Variants in USH2A observed in about 807,000 individuals in gnomAD.
The protein encoded by USH2A is Usher syndrome 2A (autosomal recessive, mild).
In USH2A, 443 loss-of-function variants were observed where a neutral mutation model predicts 538.9. That is an observed-to-expected ratio of 0.82 (90% confidence interval 0.76 to 0.89). USH2A has a LOEUF of 0.89. USH2A is among the 40% of genes least tolerant of loss of function. The pLI is 0.00. For synonymous variants in USH2A, 2,413 were observed against 2,273.5 expected, an observed-to-expected ratio of 1.06 and a Z score of -1.75; for missense variants, 6,633 against 6,324.8, an observed-to-expected ratio of 1.05 and a Z score of -1.65.
intron 5 of USH2A, among the ~76,000 whole-genome samples, chr1:216,326,658 C>T (rs187500030): frequency 6.6e-6 from 1 of 152,054 alleles, no homozygotes; most frequent in Non-Finnish European, 1.5e-5. Context: ...GCCATGGCAC[C>T]CTTTACTGAG....
intron 7 of USH2A, 98 bp from the exon 8 acceptor site, chr1:216,323,793 A>G (rs1373699617): frequency 9.0e-7 from 1 of 1,112,672 alleles, no homozygotes; most frequent in Admixed American, 1.8e-5. Flanking sequence ...TATCAATAAA[A>G]GCTTAAATTA....
chr1:216,398,413 C>G (rs1277306910), intron 3 of USH2A, among the ~76,000 whole-genome samples: 2 of 152,132 alleles, frequency 1.3e-5, no homozygotes, highest in African/African-American at 4.8e-5. Flanking sequence ...ACAAAATAAG[C>G]TCCAAGGAAA....
intron 34 of USH2A, among the ~76,000 whole-genome samples, chr1:215,993,373 G>C (rs144543292): frequency 2.6e-5 from 4 of 152,144 alleles, no homozygotes; most frequent in Non-Finnish European, 5.9e-5. Context: ...CCAATAGTTA[G>C]AGAATAACTG....
chr1:216,131,794 C>CT (rs767434357), intron 21 of USH2A, among the ~76,000 whole-genome samples: 13 of 152,126 alleles, frequency 8.5e-5, no homozygotes. Flanking sequence ...TCTAAAACCC[C>CT]TTATAATGAT....
intron 14 of USH2A, among the ~76,000 whole-genome samples, chr1:216,223,535 A>T (rs1388422475): frequency 6.6e-6 from 1 of 152,158 alleles, no homozygotes; most frequent in Non-Finnish European, 1.5e-5. Flanking sequence ...CCAGTAGAAT[A>T]AGGTAAAAGT....
chr1:216,314,652 CCATT>C (rs1376850459), intron 9 of USH2A, among the ~76,000 whole-genome samples: 2 of 151,938 alleles, frequency 1.3e-5, no homozygotes, highest in African/African-American at 4.8e-5. Context: ...GATGTTGGCA[CCATT>C]CAAATTATTG....
In USH2A at chr1:216,287,721, G is replaced by A. The variant is rs144234837; in HGVS notation, c.1971+1559C>T. Among the ~76,000 whole-genome samples the A allele has an allele frequency of 2.2e-3, 328 of 152,214 alleles. 2 individuals are homozygous for A. The highest frequency in any genetic ancestry group is 7.3e-3 in the African/African-American group (302 of 41,534). Reference sequence around the variant, plus strand: ...ACTGTAACTCGTGTAGGTTAGACACGTAACTGAGATTCTGGGAGGTAAAAC... The same window carrying A: ...ACTGTAACTCGTGTAGGTTAGACACATAACTGAGATTCTGGGAGGTAAAAC... On this transcript the variant is annotated intron_variant, in intron 11 of 71. Coordinates refer to ENST00000307340, the MANE Select transcript of USH2A (RefSeq NM_206933.4).
intron 22 of USH2A, 35 bp from the exon 23 acceptor site, chr1:216,089,174 C>T: frequency 6.3e-7 from 1 of 1,598,810 alleles, no homozygotes; most frequent in Non-Finnish European, 8.6e-7. Flanking sequence ...AATGTTTATA[C>T]ATGCATATCT....
At chr1:216,273,286 G>T (rs1197668268) in intron 11 of USH2A, among the ~76,000 whole-genome samples, 1 of 152,186 alleles carries the variant, frequency 6.6e-6, no homozygotes, top group Admixed American at 6.6e-5. Context: ...GACTGCAAGA[G>T]TTCTGCAGTG....
intron 61 of USH2A, among the ~76,000 whole-genome samples, chr1:215,713,645 C>A (rs948685828): frequency 6.6e-6 from 1 of 152,186 alleles, no homozygotes; most frequent in African/African-American, 2.4e-5. Context: ...AAGCACAGAC[C>A]TCTCCCAAAA....
chr1:215,768,493 T>A (rs1661193691), intron 55 of USH2A, among the ~76,000 whole-genome samples: 1 of 152,218 alleles, frequency 6.6e-6, no homozygotes, highest in Non-Finnish European at 1.5e-5. Flanking sequence ...AACTTAGTGA[T>A]AAGATGCAGG....
chr1:215,764,125 A>G (rs1025150820), intron 56 of USH2A, among the ~76,000 whole-genome samples: 1 of 152,162 alleles, frequency 6.6e-6, no homozygotes, highest in African/African-American at 2.4e-5. Context: ...TAAATCCATA[A>G]GTGTAGCTTT....
intron 4 of USH2A, among the ~76,000 whole-genome samples, chr1:216,342,256 G>A (rs990744502): frequency 6.6e-6 from 1 of 152,100 alleles, no homozygotes; most frequent in African/African-American, 2.4e-5. Context: ...TAACATCACT[G>A]ATCATTAGAG....
chr1:216,042,386 T>C (rs1487171718), intron 32 of USH2A, among the ~76,000 whole-genome samples: 1 of 151,978 alleles, frequency 6.6e-6, no homozygotes, highest in Non-Finnish European at 1.5e-5. Flanking sequence ...TTTCCCTATC[T>C]AGTAAACTCT....
At chr1:215,626,311 A>ATG (rs535281283) in intron 71 of USH2A, among the ~76,000 whole-genome samples, 1 of 149,538 alleles carries the variant, frequency 6.7e-6, no homozygotes. Context: ...ATATATATAT[A>ATG]TGTATGTATG....
At chr1:216,343,545 A>T (rs1199109243) in intron 4 of USH2A, among the ~76,000 whole-genome samples, 1 of 151,078 alleles carries the variant, frequency 6.6e-6, no homozygotes, top group South Asian at 2.1e-4. Flanking sequence ...AAAAAAAGAC[A>T]GTATTTTGAC....
intron 4 of USH2A, among the ~76,000 whole-genome samples, chr1:216,351,323 A>G (rs966517411): frequency 1.5e-4 from 23 of 152,162 alleles, no homozygotes; most frequent in African/African-American, 5.6e-4. Flanking sequence ...GATAAGAAAG[A>G]TGTATTTAAG....
chr1:216,144,343 T>G (rs1249603066), intron 21 of USH2A, among the ~76,000 whole-genome samples: 2 of 152,144 alleles, frequency 1.3e-5, no homozygotes, highest in African/African-American at 4.8e-5. Context: ...TGCAGGGTTT[T>G]TTGCTTTTTT....
chr1:215,983,809 G>A (rs940844023), intron 35 of USH2A, among the ~76,000 whole-genome samples: 2 of 152,178 alleles, frequency 1.3e-5, no homozygotes, highest in Non-Finnish European at 2.9e-5. Flanking sequence ...TGACAATAAA[G>A]CATTCCCAGC....
Sources: allele counts gnomAD v4.1 joint callset (sites outside exome capture counted in the v4.1 genomes callset), GRCh38; gene constraint gnomAD v4.1.1; transcripts MANE v1.5; gene names NCBI Gene and HGNC (gene_info 2026-07-23, HGNC 2026-07-21).